The following SPIDR variants were observed in gnomAD, a reference collection of about 807,000 sequenced individuals.
SPIDR encodes the protein DNA repair-scaffolding protein.
SPIDR carries 93 observed loss-of-function variants against 104.6 expected under a neutral mutation model. The ratio of observed to expected loss-of-function variants is 0.89; its 90% CI spans 0.75 to 1.06. The LOEUF is 1.06. Among genes scored for constraint, SPIDR ranks in the 50% least tolerant of loss-of-function variants. SPIDR has a pLI of 0.00. For synonymous variants in SPIDR, 431 were observed against 416.9 expected (o/e 1.03, Z -0.41); for missense variants, 1,154 against 1,111.2 (o/e 1.04, Z -0.55).
chr8:47,488,606 A>G (rs1554734299), intron 8 of SPIDR, among the ~76,000 whole-genome samples: 3 of 152,220 alleles, frequency 2.0e-5, no homozygotes. Context: ...TCCTCAGTAA[A>G]ATACTGGCAA....
intron 8 of SPIDR, among the ~76,000 whole-genome samples, chr8:47,488,390 CA>C (rs1469922307): frequency 7.2e-5 from 11 of 152,126 alleles, no homozygotes; most frequent in Admixed American, 7.2e-4. Flanking sequence ...AGTCCATGAC[CA>C]GAAGGATTCA....
intron 8 of SPIDR, among the ~76,000 whole-genome samples, chr8:47,591,136 G>A (rs989440244): frequency 1.3e-5 from 2 of 149,550 alleles, no homozygotes; most frequent in African/African-American, 4.9e-5. Context: ...TTTATCCTCA[G>A]TGTAATTATT....
At chr8:47,598,694 G>A (rs1280723808) in intron 9 of SPIDR, among the ~76,000 whole-genome samples, 2 of 152,102 alleles carry the variant, frequency 1.3e-5, no homozygotes, top group African/African-American at 2.4e-5. Context: ...GACCTGCCTG[G>A]TATAGCAAAC....
intron 5 of SPIDR, among the ~76,000 whole-genome samples, chr8:47,327,915 C>A (rs1287514613): frequency 1.3e-5 from 2 of 151,638 alleles, no homozygotes; most frequent in African/African-American, 4.8e-5. Flanking sequence ...TCAGGCTTGT[C>A]TTGAACCCCT....
intron 5 of SPIDR, among the ~76,000 whole-genome samples, chr8:47,394,244 C>G (rs2060985368): frequency 6.6e-6 from 1 of 152,130 alleles, no homozygotes; most frequent in African/African-American, 2.4e-5. Context: ...CTGTGCCCCT[C>G]TTGGCTTTGT....
Position 47,260,938 on chromosome 8 carries a change from G to T in SPIDR, c.-21G>T. On this transcript the variant is annotated 5_prime_UTR_variant, in exon 1 of 20. Coordinates refer to ENST00000297423, the MANE Select transcript of SPIDR (RefSeq NM_001080394.4). ...CGGCGGCGCGCTGAGGAGGCGGTGC[G>T]CTCAGGCGGCGCTCCCGGAGATGCC... 1 of 1,227,132 alleles carries T rather than the reference G, an allele frequency of 8.1e-7. No individual in the cohort carries two copies. The highest frequency in any genetic ancestry group is 1.0e-6 in the Non-Finnish European group (1 of 984,776). 76.0% of individuals were successfully genotyped at this position (1,227,132 alleles called of 1,614,324 possible).
chr8:47,378,292 C>T (rs775728187), intron 5 of SPIDR, among the ~76,000 whole-genome samples: 1 of 152,130 alleles, frequency 6.6e-6, no homozygotes, highest in Non-Finnish European at 1.5e-5. Flanking sequence ...TAAAGACTAT[C>T]TTTTCACTAT....
chr8:47,627,945 C>T (rs991096983), intron 10 of SPIDR, among the ~76,000 whole-genome samples: 1 of 152,188 alleles, frequency 6.6e-6, no homozygotes. Context: ...GCACAGGTCT[C>T]TTACGCAGGA....
intron 10 of SPIDR, among the ~76,000 whole-genome samples, chr8:47,609,952 T>A (rs187386950): frequency 6.6e-6 from 1 of 152,190 alleles, no homozygotes; most frequent in African/African-American, 2.4e-5. Flanking sequence ...CAGACAATTA[T>A]GAAGTTTTGG....
At chr8:47,718,090 A>T (rs1362850622) in intron 16 of SPIDR, among the ~76,000 whole-genome samples, 1 of 152,244 alleles carries the variant, frequency 6.6e-6, no homozygotes, top group Non-Finnish European at 1.5e-5. Flanking sequence ...CCCTGTATCC[A>T]GTCCACCCAA....
intron 5 of SPIDR, among the ~76,000 whole-genome samples, chr8:47,321,202 C>T (rs915944317): frequency 6.6e-6 from 1 of 152,288 alleles, no homozygotes; most frequent in South Asian, 2.1e-4. Flanking sequence ...ACCCCATCGT[C>T]TCAGCCCAAA....
At chr8:47,329,838 T>G (rs2048353727) in intron 5 of SPIDR, among the ~76,000 whole-genome samples, 1 of 152,224 alleles carries the variant, frequency 6.6e-6, no homozygotes. Context: ...TGGTGGTGTT[T>G]CCTTAGTTTG....
intron 10 of SPIDR, among the ~76,000 whole-genome samples, chr8:47,612,573 T>C (rs1265053793): frequency 4.6e-5 from 7 of 152,252 alleles, no homozygotes; most frequent in Admixed American, 1.3e-4. Context: ...AATTTACTTT[T>C]ATGTTTCAGT....
chr8:47,485,012 G>A lies in SPIDR; in HGVS notation c.1097+44470G>A, dbSNP rs1025501523. Among the ~76,000 whole-genome samples, 11 of 152,338 alleles carry A rather than the reference G, an allele frequency of 7.2e-5. No individual in the cohort carries two copies. The East Asian group carries it at 2.1e-3, about 29-fold the overall frequency. On this transcript the variant is annotated intron_variant, in intron 8 of 19. Coordinates refer to ENST00000297423, the MANE Select transcript of SPIDR (RefSeq NM_001080394.4). Reference sequence around the variant, plus strand: ...TCGGACACTGGGTACAGGACAGTGGGTGCAGCCCACCAAGCGTGAGCTGAA... The same window carrying A: ...TCGGACACTGGGTACAGGACAGTGGATGCAGCCCACCAAGCGTGAGCTGAA...
At chr8:47,487,345 A>C (rs183293575) in intron 8 of SPIDR, among the ~76,000 whole-genome samples, 2 of 152,306 alleles carry the variant, frequency 1.3e-5, no homozygotes, top group East Asian at 3.8e-4. Flanking sequence ...GAGCACCCAG[A>C]CTCATAAAGC....
intron 8 of SPIDR, among the ~76,000 whole-genome samples, chr8:47,551,739 T>C (rs978369671): frequency 6.6e-6 from 1 of 152,186 alleles, no homozygotes; most frequent in Non-Finnish European, 1.5e-5. Context: ...ATTCATTAAT[T>C]TTTTGAAGGG....
chr8:47,634,018 C>T (rs186515878), intron 10 of SPIDR, among the ~76,000 whole-genome samples: 20 of 151,812 alleles, frequency 1.3e-4, no homozygotes, highest in Admixed American at 1.3e-3. Context: ...TGGATTGAGC[C>T]TAGGAGATTG....
intron 8 of SPIDR, among the ~76,000 whole-genome samples, chr8:47,461,601 C>A (rs751057226): frequency 7.2e-5 from 11 of 152,178 alleles, no homozygotes; most frequent in Admixed American, 2.0e-4. Flanking sequence ...TGAGCCACTG[C>A]GCCCAGCCTG....
chr8:47,318,287 C>T (rs192316978), intron 5 of SPIDR, among the ~76,000 whole-genome samples: 4 of 151,970 alleles, frequency 2.6e-5, no homozygotes, highest in African/African-American at 7.3e-5. Flanking sequence ...ATGAGAACTA[C>T]GTGACGAATG....
Sources: allele counts gnomAD v4.1 joint callset (sites outside exome capture counted in the v4.1 genomes callset), GRCh38; gene constraint gnomAD v4.1.1; transcripts MANE v1.5; gene names NCBI Gene and HGNC (gene_info 2026-07-23, HGNC 2026-07-21).